The following RORA variants were observed in gnomAD, a reference collection of about 807,000 sequenced individuals.
RORA encodes the protein nuclear receptor ROR-alpha.
In RORA, 7 loss-of-function variants were observed where a neutral mutation model predicts 69.5. The observed-to-expected ratio is 0.10, with a 90% CI of 0.06 to 0.19. The LOEUF is 0.19. Ranked by LOEUF, RORA falls within the 10% of genes least tolerant of loss-of-function variation. The pLI is 1.00. For synonymous variants in RORA, 261 were observed against 240.8 expected, an observed-to-expected ratio of 1.08 and a Z score of -0.78; for missense variants, 457 against 663.0, an observed-to-expected ratio of 0.69 and a Z score of 3.41.
At chr15:61,115,847 C>T (rs530824715) in intron 1 of RORA, among the ~76,000 whole-genome samples, 1 of 152,302 alleles carries the variant, frequency 6.6e-6, no homozygotes, top group East Asian at 1.9e-4. Flanking sequence ...AGAGGAGGCT[C>T]AGCTCCAGAG....
intron 1 of RORA, among the ~76,000 whole-genome samples, chr15:60,875,866 A>G (rs574410365): frequency 6.6e-6 from 1 of 152,296 alleles, no homozygotes; most frequent in South Asian, 2.1e-4. Flanking sequence ...GCAGGAGGTT[A>G]AACATTTTGG....
At chr15:61,224,354 A>C (rs2080126872) in intron 1 of RORA, among the ~76,000 whole-genome samples, 4 of 152,238 alleles carry the variant, frequency 2.6e-5, no homozygotes, top group Admixed American at 2.0e-4. Flanking sequence ...GTTTTTGCAC[A>C]CATGGCAATC....
chr15:61,045,825 T>C (rs2140484779), intron 1 of RORA, among the ~76,000 whole-genome samples: 1 of 152,344 alleles, frequency 6.6e-6, no homozygotes, highest in Non-Finnish European at 1.5e-5. Context: ...GAATGTCTGA[T>C]CACTTTAGCT....
intron 1 of RORA, among the ~76,000 whole-genome samples, chr15:60,979,025 G>A (rs931422626): frequency 2.8e-5 from 4 of 141,038 alleles, no homozygotes; most frequent in African/African-American, 8.0e-5. Context: ...GCAGTGGTGC[G>A]ATCTCAGCTT....
At chr15:61,205,585 G>C (rs905446989) in intron 1 of RORA, among the ~76,000 whole-genome samples, 2 of 152,180 alleles carry the variant, frequency 1.3e-5, no homozygotes, top group South Asian at 2.1e-4. Flanking sequence ...TCCGTCTCAG[G>C]CCTAGGAAGG....
intron 2 of RORA, among the ~76,000 whole-genome samples, chr15:60,617,557 A>G (rs1292783500): frequency 2.0e-5 from 3 of 151,314 alleles, no homozygotes; most frequent in East Asian, 1.9e-4. Context: ...AATGCGTGTT[A>G]CAGATTCATA....
At chr15:60,535,252 A>G (rs551799232) in intron 2 of RORA, among the ~76,000 whole-genome samples, 1 of 152,336 alleles carries the variant, frequency 6.6e-6, no homozygotes, top group East Asian at 1.9e-4. Context: ...CCCAGCAAAG[A>G]GGTTTATTGT....
intron 2 of RORA, among the ~76,000 whole-genome samples, chr15:60,584,758 G>A (rs568390263): frequency 2.6e-4 from 39 of 151,756 alleles, no homozygotes; most frequent in African/African-American, 8.0e-4. Flanking sequence ...TCCAACAACC[G>A]AAAAATGAAA....
intron 1 of RORA, among the ~76,000 whole-genome samples, chr15:61,072,357 TG>T (rs2078380003): frequency 6.6e-6 from 1 of 152,224 alleles, no homozygotes; most frequent in Admixed American, 6.5e-5. Flanking sequence ...TATATTTTTA[TG>T]TAATGATTTT....
At chr15:60,799,793 G>A (rs1197104682) in intron 1 of RORA, among the ~76,000 whole-genome samples, 1 of 152,188 alleles carries the variant, frequency 6.6e-6, no homozygotes, top group Non-Finnish European at 1.5e-5. Context: ...GGTAGATAAC[G>A]AGGGAGGGGC....
intron 2 of RORA, among the ~76,000 whole-genome samples, chr15:60,634,493 C>G (rs965363745): frequency 4.6e-5 from 7 of 151,882 alleles, no homozygotes; most frequent in Non-Finnish European, 8.8e-5. Context: ...CAACCTCCCC[C>G]TCCCGGGTTC....
At chr15:60,778,000 T>C (rs2072198177) in intron 1 of RORA, among the ~76,000 whole-genome samples, 2 of 152,226 alleles carry the variant, frequency 1.3e-5, no homozygotes, top group South Asian at 2.1e-4. Flanking sequence ...TTTAATCCAA[T>C]AGTCAATATG....
chr15:61,094,545 C>T (rs991789014), intron 1 of RORA, among the ~76,000 whole-genome samples: 1 of 152,100 alleles, frequency 6.6e-6, no homozygotes, highest in Non-Finnish European at 1.5e-5. Flanking sequence ...AGCATTGGTC[C>T]CACTTCTCTC....
At chr15:61,227,243 A>G (rs981408474) in intron 1 of RORA, among the ~76,000 whole-genome samples, 2 of 150,284 alleles carry the variant, frequency 1.3e-5, no homozygotes, top group African/African-American at 4.9e-5. Context: ...AAACACATGA[A>G]GGGGATTTTC....
chr15:61,165,879 A>G (rs1214529903), intron 1 of RORA, among the ~76,000 whole-genome samples: 1 of 152,144 alleles, frequency 6.6e-6, no homozygotes, highest in African/African-American at 2.4e-5. Context: ...AATCCCCACA[A>G]CTACTATCTG....
chr15:60,510,481 C>T (rs1247143778), intron 5 of RORA: 1 of 152,194 alleles, frequency 6.6e-6, no homozygotes, highest in African/African-American at 2.4e-5. Flanking sequence ...CATGGTGAGC[C>T]TTATATGAAT....
intron 1 of RORA, among the ~76,000 whole-genome samples, chr15:61,168,888 G>A (rs1389227558): frequency 6.6e-6 from 1 of 152,118 alleles, no homozygotes; most frequent in Non-Finnish European, 1.5e-5. Flanking sequence ...CAGCCTAAAT[G>A]AGATCACTCA....
At chr15:60,992,907 A>C (rs1288953092) in intron 1 of RORA, among the ~76,000 whole-genome samples, 1 of 152,166 alleles carries the variant, frequency 6.6e-6, no homozygotes, top group East Asian at 1.9e-4. Context: ...TCCGCATACC[A>C]AAAAACTTCA....
intron 2 of RORA, among the ~76,000 whole-genome samples, chr15:60,612,980 T>C (rs955839522): frequency 1.1e-4 from 16 of 151,998 alleles, no homozygotes; most frequent in African/African-American, 3.9e-4. Flanking sequence ...AGAAGGAAAC[T>C]GTATTTTTTT....
Sources: allele counts gnomAD v4.1 joint callset (sites outside exome capture counted in the v4.1 genomes callset), GRCh38; gene constraint gnomAD v4.1.1; transcripts MANE v1.5; gene names NCBI Gene and HGNC (gene_info 2026-07-23, HGNC 2026-07-21).